STRBP: variants seen among roughly 807,000 people sequenced by gnomAD.
STRBP encodes the protein spermatid perinuclear RNA binding protein.
Under a neutral mutation model 80.1 loss-of-function variants are expected in STRBP, and 13 were observed. That is an observed-to-expected ratio of 0.16 (90% CI 0.11 to 0.26). The LOEUF (loss-of-function observed/expected upper bound fraction) is 0.26, where lower values mean the gene tolerates loss of function less well. Ranked by LOEUF, STRBP falls within the 10% of genes least tolerant of loss-of-function variation. STRBP has a pLI of 1.00. For missense variants in STRBP, 485 were observed against 815.2 expected (o/e 0.59, Z 4.93); for synonymous variants, 284 against 291.2 (o/e 0.98, Z 0.25).
intron 2 of STRBP, among the ~76,000 whole-genome samples, chr9:123,216,526 C>G (rs1161364044): frequency 6.6e-6 from 1 of 152,216 alleles, no homozygotes; most frequent in Non-Finnish European, 1.5e-5. Flanking sequence ...TATCATGCTC[C>G]ATGCAAATAT....
chr9:123,160,820 C>CACATAT (rs1179495050), intron 7 of STRBP, among the ~76,000 whole-genome samples, 157 bp downstream of exon 7: 1 of 152,154 alleles, frequency 6.6e-6, no homozygotes, highest in African/African-American at 2.4e-5. Context: ...CTATACTAGG[C>CACATAT]ACATATCTAA....
intron 2 of STRBP, among the ~76,000 whole-genome samples, chr9:123,213,402 G>T (rs776212814): frequency 6.6e-6 from 1 of 152,160 alleles, no homozygotes; most frequent in African/African-American, 2.4e-5. Flanking sequence ...TAAGGCAGGA[G>T]AACAGAATCG....
intron 2 of STRBP, among the ~76,000 whole-genome samples, chr9:123,212,327 A>T (rs2039738848): frequency 6.6e-6 from 1 of 152,226 alleles, no homozygotes; most frequent in African/African-American, 2.4e-5. Context: ...AGTATATATT[A>T]ATAATTGATA....
chr9:123,174,333 G>A (rs1449816781), intron 4 of STRBP, among the ~76,000 whole-genome samples: 1 of 152,236 alleles, frequency 6.6e-6, no homozygotes, highest in Non-Finnish European at 1.5e-5. Flanking sequence ...AGCTATTCAA[G>A]AAGCAATGGA....
intron 2 of STRBP, among the ~76,000 whole-genome samples, chr9:123,197,893 C>CA (rs1159154533): frequency 6.6e-6 from 1 of 151,910 alleles, no homozygotes; most frequent in Non-Finnish European, 1.5e-5. Context: ...TGGCTTGTCT[C>CA]AAACTCCTGA....
At chr9:123,183,534 G>A (rs938318248) in intron 3 of STRBP, among the ~76,000 whole-genome samples, 28 of 151,702 alleles carry the variant, frequency 1.8e-4, no homozygotes, top group African/African-American at 5.3e-4. Flanking sequence ...AAAAAAATCA[G>A]CACATTTTAC....
At chr9:123,133,094 G>C in intron 16 of STRBP, 126 bp from the exon 17 acceptor site, 3 of 1,144,432 alleles carry the variant, frequency 2.6e-6, no homozygotes, top group Non-Finnish European at 2.4e-6. Flanking sequence ...AGCTGTCTGT[G>C]ATCTTGAACC....
intron 1 of STRBP, among the ~76,000 whole-genome samples, chr9:123,238,563 T>C (rs1385413715): frequency 6.6e-6 from 1 of 152,238 alleles, no homozygotes; most frequent in African/African-American, 2.4e-5. Flanking sequence ...TACATTGTAC[T>C]AGGGCACCCT....
At chr9:123,170,948 C>T (rs572338112) in intron 5 of STRBP, among the ~76,000 whole-genome samples, 2 of 152,020 alleles carry the variant, frequency 1.3e-5, no homozygotes, top group South Asian at 4.2e-4. Context: ...AATTCAAAGT[C>T]ACTTATGTAA....
intron 9 of STRBP, 50 bp downstream of exon 9, chr9:123,159,046 C>A: frequency 6.9e-7 from 1 of 1,445,898 alleles, no homozygotes; most frequent in Non-Finnish European, 9.7e-7. Flanking sequence ...GAAAAATAAA[C>A]TAAACTGAGA....
intron 6 of STRBP, among the ~76,000 whole-genome samples, chr9:123,161,828 C>A (rs2037534235): frequency 1.3e-5 from 2 of 152,286 alleles, no homozygotes; most frequent in Non-Finnish European, 1.5e-5. Context: ...CAGCAAATAT[C>A]CATATTTGAG....
chr9:123,147,704 T>G, intron 12 of STRBP, 74 bp downstream of exon 12: 74 of 913,570 alleles, frequency 8.1e-5, no homozygotes, highest in Middle Eastern at 3.6e-4. Context: ...AAAAAACCCT[T>G]CACTTTTAAT....
intron 2 of STRBP, among the ~76,000 whole-genome samples, chr9:123,189,469 A>AT (rs1219227725): frequency 8.8e-5 from 13 of 148,374 alleles, no homozygotes; most frequent in Admixed American, 2.7e-4. Context: ...AATAATAATA[A>AT]AAAAAAAGAA....
At chr9:123,239,249 C>G (rs529949353) in intron 1 of STRBP, among the ~76,000 whole-genome samples, 3 of 152,228 alleles carry the variant, frequency 2.0e-5, no homozygotes, top group African/African-American at 7.2e-5. Context: ...GTGGCGGGCG[C>G]CTGTAGTCCC....
intron 2 of STRBP, among the ~76,000 whole-genome samples, chr9:123,199,652 G>A (rs1391622431): frequency 6.6e-6 from 1 of 152,096 alleles, no homozygotes; most frequent in Non-Finnish European, 1.5e-5. Context: ...GTTATAAAAG[G>A]GACTGAGTTC....
chr9:123,209,403 A>T (rs959442118), intron 2 of STRBP, among the ~76,000 whole-genome samples: 3 of 152,240 alleles, frequency 2.0e-5, no homozygotes, highest in South Asian at 4.1e-4. Context: ...AATACACTCT[A>T]AAGTGGGATG....
rs1210935287 is a variant in STRBP at position 123,122,327 on chromosome 9, C to G, written c.*3270G>C. 1 of 1,288,526 alleles carries G rather than the reference C, an allele frequency of 7.8e-7. No homozygotes were observed. The highest frequency in any genetic ancestry group is 1.5e-5 in the African/African-American group (1 of 65,708). The allele number at this position is 1,288,526 out of a possible 1,614,324, so 79.8% of individuals were successfully genotyped here. ...CTGAAAACTGCTTAAAAGTATTAACCTGAAATACACAGAGGGTCCAACACC... is the reference window on the plus strand; with the variant it reads ...CTGAAAACTGCTTAAAAGTATTAACGTGAAATACACAGAGGGTCCAACACC... On this transcript the variant is annotated 3_prime_UTR_variant, in exon 19 of 19. Coordinates refer to ENST00000348403, the MANE Select transcript of STRBP (RefSeq NM_018387.5).
intron 6 of STRBP, among the ~76,000 whole-genome samples, chr9:123,164,369 T>C (rs2037661662): frequency 6.6e-6 from 1 of 151,900 alleles, no homozygotes; most frequent in South Asian, 2.1e-4. Context: ...TTTAAGAAAA[T>C]CTATTACTCA....
In STRBP at chr9:123,126,874, T is replaced by C. The variant is rs113975214; in HGVS notation, c.1943-1201A>G. 2.6e-5 allele frequency among the ~76,000 whole-genome samples: 4 copies of C among 152,146 alleles called. No homozygotes were observed. Among genetic ancestry groups the C allele is most frequent in the African/African-American group, 7.2e-5 (3 of 41,426 alleles). ...TCAGGAGACCCAGAAGCCAGCTGAA[T>C]AGTTAAAAGCAAATGGCCAAACCCA... is the stretch of plus-strand genomic sequence containing the variant. On this transcript the variant is annotated intron_variant, in intron 18 of 18. Transcript: ENST00000348403. This position sits in a 1 kb window ranked among gnomAD's most constrained non-coding sequence, Gnocchi z 4.4.
Sources: gnomAD v4.1 joint callset for allele counts (sites outside exome capture counted in the v4.1 genomes callset) on GRCh38, gnomAD v4.1.1 for gene constraint, Gnocchi (gnomAD v3.1) non-coding constraint, MANE v1.5 for transcripts, NCBI Gene and HGNC (gene_info 2026-07-23, HGNC 2026-07-21) for gene names.